The following SLC22A15 variants were observed in gnomAD, a reference collection of about 807,000 sequenced individuals.
SLC22A15 encodes solute carrier family 22 member 15, also known as flipt 1.
In SLC22A15, 45 loss-of-function variants were observed where a neutral mutation model predicts 62.7. The observed-to-expected ratio is 0.72, with a 90% CI of 0.56 to 0.92. The LOEUF (loss-of-function observed/expected upper bound fraction) is 0.92, where lower values mean the gene tolerates loss of function less well. SLC22A15 is among the 40% of genes least tolerant of loss of function. The pLI is 0.00. For missense variants in SLC22A15, 622 were observed against 665.6 expected, an observed-to-expected ratio of 0.93 and a Z score of 0.72; for synonymous variants, 264 against 267.0, an observed-to-expected ratio of 0.99 and a Z score of 0.11.
intron 2 of SLC22A15, chr1:116,017,750 GA>G: frequency 6.4e-6 from 1 of 155,668 alleles, no homozygotes; most frequent in Non-Finnish European, 1.4e-5. Flanking sequence ...TCTCGAGGAG[GA>G]GGAGCCCTTC....
Position 116,031,498 on chromosome 1 carries a change from G to C in SLC22A15, c.861G>C (p.Arg287Ser), listed in dbSNP as rs1329075064. ...TCTCACTAACACACCCAGCCAACAGGAGCTGCAGGGAGACTGGAAGTTTCC... is the reference window on the plus strand; with the variant it reads ...TCTCACTAACACACCCAGCCAACAGCAGCTGCAGGGAGACTGGAAGTTTCC... ...CTFSLTHPANRSCRETGSFLD... is the reference protein window; with the variant it reads ...CTFSLTHPANSSCRETGSFLD... Residue 287 changes from arginine to serine, a missense_variant, in exon 6 of 12, where the codon AGG becomes AGC. Arg to Ser is a moderately radical substitution (Grantham distance 110). Coordinates refer to ENST00000369503, the MANE Select transcript of SLC22A15 (RefSeq NM_018420.3). 2 of 1,613,882 alleles carry C rather than the reference G, an allele frequency of 1.2e-6. No homozygotes were observed. The highest frequency in any genetic ancestry group is 1.7e-6 in the Non-Finnish European group (2 of 1,179,892).
intron 1 of SLC22A15, among the ~76,000 whole-genome samples, chr1:115,977,408 C>T (rs988623827): frequency 6.6e-6 from 1 of 152,188 alleles, no homozygotes; most frequent in African/African-American, 2.4e-5. Flanking sequence ...ACTTGTACAC[C>T]CCAGCCTCAA....
At chr1:115,998,754 GTACTTTT>G (rs950360372) in intron 2 of SLC22A15, among the ~76,000 whole-genome samples, 2 of 151,638 alleles carry the variant, frequency 1.3e-5, no homozygotes, top group Non-Finnish European at 2.9e-5. Flanking sequence ...TTGATCTTGT[GTACTTTT>G]TTAAAATTTC....
intron 1 of SLC22A15, among the ~76,000 whole-genome samples, chr1:115,981,420 G>C (rs1471536590): frequency 6.6e-6 from 1 of 152,176 alleles, no homozygotes; most frequent in Admixed American, 6.5e-5. Context: ...CAGTGGCCTG[G>C]AGGTTGGGTC....
At chr1:116,059,956 A>G (rs941331584) in intron 8 of SLC22A15, among the ~76,000 whole-genome samples, 27 of 152,238 alleles carry the variant, frequency 1.8e-4, no homozygotes, top group Non-Finnish European at 7.3e-5. Context: ...TTTGAAGTAT[A>G]CAAGTGTTTT....
At chr1:116,026,838 AATGGTGCTGCAG>A in intron 4 of SLC22A15, 43 bp from the exon 5 acceptor site, 1 of 1,594,604 alleles carries the variant, frequency 6.3e-7, no homozygotes, top group Non-Finnish European at 8.6e-7. Context: ...TGGGGTTGGA[AATGGTGCTGCAG>A]ATGGTGCTTT....
intron 1 of SLC22A15, among the ~76,000 whole-genome samples, chr1:115,986,442 G>A (rs74849392): frequency 0.047 from 7,087 of 152,108 alleles, 570 homozygotes; most frequent in African/African-American, 0.16. Context: ...TATTTCCCCC[G>A]TAAATAATAC....
intron 9 of SLC22A15, among the ~76,000 whole-genome samples, chr1:116,063,139 G>A (rs1011940105): frequency 5.9e-5 from 9 of 152,142 alleles, no homozygotes; most frequent in African/African-American, 2.2e-4. Context: ...GGCATATTCT[G>A]TCACCCAAAC....
intron 1 of SLC22A15, among the ~76,000 whole-genome samples, chr1:115,978,071 AG>A (rs1306183718): frequency 9.2e-5 from 14 of 152,226 alleles, no homozygotes; most frequent in African/African-American, 3.4e-4. Context: ...TTTAATACCG[AG>A]AAAGAAGAAT....
intron 1 of SLC22A15, among the ~76,000 whole-genome samples, chr1:115,991,419 A>G (rs993800862): frequency 6.6e-6 from 1 of 152,242 alleles, no homozygotes; most frequent in South Asian, 2.1e-4. Flanking sequence ...TACAAAATGA[A>G]TATCTATAGC....
chr1:116,035,462 G>A (rs775455818), intron 7 of SLC22A15, 135 bp downstream of exon 7: 3 of 665,092 alleles, frequency 4.5e-6, no homozygotes, highest in Non-Finnish European at 6.6e-6. Flanking sequence ...GGTGATTAGA[G>A]TTTCTTTCCA....
rs754530290 is a variant in SLC22A15 at position 116,037,326 on chromosome 1, C to T, written c.1109C>T (p.Ser370Leu). 1.2e-6 allele frequency: 2 copies of T among 1,613,350 alleles called. No homozygotes were observed. The highest frequency in any genetic ancestry group is 1.3e-5 in the African/African-American group (1 of 74,996). ...QKWFGRKRTL[S>L]AFLCLGGLAC... is the part of the protein sequence containing the mutation. ...AGGTTTGGTCGGAAGCGAACATTATCAGCATTTCTGTGCCTAGGAGGACTG... is the reference window on the plus strand; with the variant it reads ...AGGTTTGGTCGGAAGCGAACATTATTAGCATTTCTGTGCCTAGGAGGACTG... The change falls in exon 8 of 12, where the codon TCA becomes TTA. Residue 370 changes from serine to leucine, a missense_variant. Transcript: ENST00000369503.
At chr1:116,016,602 A>G (rs1656542193) in intron 2 of SLC22A15, among the ~76,000 whole-genome samples, 1 of 151,964 alleles carries the variant, frequency 6.6e-6, no homozygotes, top group Non-Finnish European at 1.5e-5. Flanking sequence ...TGACTTCTCT[A>G]CTTAGATGTT....
Position 115,992,193 on chromosome 1 carries a change from A to T in SLC22A15, c.250A>T (p.Ile84Phe), listed in dbSNP as rs1420754871. The T allele has an allele frequency of 3.1e-6, 5 of 1,608,992 alleles. No individual in the cohort carries two copies. Among genetic ancestry groups the T allele is most frequent in the Non-Finnish European group, 4.2e-6 (5 of 1,177,598 alleles). Reference sequence around the variant, plus strand: ...GCTCCTGACAGCCAACGGCAGTGAGATCCATAAGCACGTGCATTTCAGCAG... The same window carrying T: ...GCTCCTGACAGCCAACGGCAGTGAGTTCCATAAGCACGTGCATTTCAGCAG... ...DWLLTANGSE[I>F]HKHVHFSSSF... Residue 84 changes from isoleucine to phenylalanine, a missense_variant, in exon 2 of 12, where the codon ATC (isoleucine) becomes TTC (phenylalanine). Physicochemically the swap from Ile to Phe is conservative, Grantham distance 21 (BLOSUM62 0). Transcript: ENST00000369503.
intron 2 of SLC22A15, among the ~76,000 whole-genome samples, chr1:116,000,360 A>G (rs1001944499): frequency 2.0e-5 from 3 of 152,182 alleles, no homozygotes; most frequent in African/African-American, 7.2e-5. Flanking sequence ...CAAGCAAACA[A>G]AGAGAAAACT....
chr1:116,058,456 CA>C (rs1370659331), intron 8 of SLC22A15, among the ~76,000 whole-genome samples: 1 of 152,046 alleles, frequency 6.6e-6, no homozygotes, highest in African/African-American at 2.4e-5. Flanking sequence ...ATCAAAAAAT[CA>C]AAAAACAGTA....
intron 8 of SLC22A15, among the ~76,000 whole-genome samples, chr1:116,061,837 C>A (rs1395690698): frequency 6.6e-6 from 1 of 152,038 alleles, no homozygotes; most frequent in Non-Finnish European, 1.5e-5. Flanking sequence ...CATTAAGAAA[C>A]TAAAATATTA....
In SLC22A15 at chr1:116,057,607, C is replaced by T. The variant is rs538295855; in HGVS notation, c.1172-5155C>T. Reference sequence around the variant, plus strand: ...ATGCTGCTATAAAGACACATGCACACGTATGTTTATTGCGGCACTATTCAC... The same window carrying T: ...ATGCTGCTATAAAGACACATGCACATGTATGTTTATTGCGGCACTATTCAC... On this transcript the variant is annotated intron_variant, in intron 8 of 11. Coordinates refer to ENST00000369503, the MANE Select transcript of SLC22A15 (RefSeq NM_018420.3). Among the ~76,000 whole-genome samples, 183 of 152,234 alleles carry T rather than the reference C, an allele frequency of 1.2e-3. 2 individuals are homozygous for T. The highest frequency in any genetic ancestry group is 0.01 in the East Asian group (54 of 5,188).
chr1:116,006,475 G>A (rs1163683673), intron 2 of SLC22A15, among the ~76,000 whole-genome samples: 1 of 152,156 alleles, frequency 6.6e-6, no homozygotes, highest in Non-Finnish European at 1.5e-5. Context: ...AAGTGCTGAA[G>A]ATCTTTAAAG....
Sources: allele counts gnomAD v4.1 joint callset (sites outside exome capture counted in the v4.1 genomes callset), GRCh38; gene constraint gnomAD v4.1.1; transcripts MANE v1.5; gene names NCBI Gene and HGNC (gene_info 2026-07-23, HGNC 2026-07-21).